The following ABL1 variants were observed in gnomAD, a reference collection of about 807,000 sequenced individuals.
ABL1 encodes the protein ABL proto-oncogene 1, non-receptor tyrosine kinase, also known as tyrosine-protein kinase ABL1.
A neutral mutation model predicts 94.7 loss-of-function variants in ABL1; 11 were observed. The ratio of observed to expected loss-of-function variants is 0.12; its 90% CI spans 0.07 to 0.19. ABL1 has a LOEUF of 0.19. ABL1 is among the 10% of genes least tolerant of loss of function. The probability of loss-of-function intolerance (pLI) is 1.00; values close to 1 mark genes in which losing one functional copy is unlikely to be tolerated. For synonymous variants in ABL1, 656 were observed against 622.4 expected (o/e 1.05, Z -0.80); for missense variants, 1,082 against 1,489.4 (o/e 0.73, Z 4.50).
intron 1 of ABL1, among the ~76,000 whole-genome samples, chr9:130,754,401 G>A (rs1278663648): frequency 6.6e-6 from 1 of 151,092 alleles, no homozygotes; most frequent in African/African-American, 2.4e-5. Context: ...CCAGCTACTC[G>A]GGAGGCTGAG....
At chr9:130,802,738 G>C (rs188853659) in intron 1 of ABL1, among the ~76,000 whole-genome samples, 1 of 152,176 alleles carries the variant, frequency 6.6e-6, no homozygotes, top group Admixed American at 6.5e-5. Context: ...TTGTCCCACT[G>C]TCTTGCTTCT....
In ABL1 at chr9:130,835,431, G is replaced by C; in HGVS notation, c.-16G>C. On this transcript the variant is annotated 5_prime_UTR_variant, in exon 1 of 11. Coordinates refer to ENST00000318560, the MANE Select transcript of ABL1 (RefSeq NM_005157.6). This position sits in a 1 kb window ranked among gnomAD's most constrained non-coding sequence, Gnocchi z 4.6. ...TGGGAGAGGGGTTCCGGCCCCCGAC[G>C]TGCTGGCGCGGGAAAATGTTGGAGA... 7.3e-7 allele frequency: 1 copy of C among 1,375,512 alleles called. No homozygotes were observed. Among genetic ancestry groups the C allele is most frequent in the Non-Finnish European group, 9.4e-7 (1 of 1,062,844 alleles). 85.2% of individuals were successfully genotyped at this position (1,375,512 alleles called of 1,614,324 possible). A position where few individuals can be genotyped will look rare whatever the true frequency, so the allele number is the denominator to read the frequency against.
At chr9:130,719,680 GA>G (rs1831491435) in intron 1 of ABL1, among the ~76,000 whole-genome samples, 1 of 152,164 alleles carries the variant, frequency 6.6e-6, no homozygotes, top group South Asian at 2.1e-4. Context: ...TTTTCTAAGG[GA>G]ATACCATGTT....
At chr9:130,729,322 T>G (rs1831632000) in intron 1 of ABL1, among the ~76,000 whole-genome samples, 1 of 152,226 alleles carries the variant, frequency 6.6e-6, no homozygotes, top group Admixed American at 6.5e-5. Context: ...CTGGAAGCCA[T>G]GGACCCACAG....
chr9:130,797,594 C>T (rs914858021), intron 1 of ABL1, among the ~76,000 whole-genome samples: 3 of 152,112 alleles, frequency 2.0e-5, no homozygotes, highest in Non-Finnish European at 2.9e-5. Flanking sequence ...AGGCTTGTCT[C>T]GAACTCCTAG....
intron 4 of ABL1, among the ~76,000 whole-genome samples, chr9:130,868,005 G>GC (rs1436123223): frequency 1.3e-5 from 2 of 151,578 alleles, no homozygotes; most frequent in African/African-American, 4.9e-5. Flanking sequence ...TGTCACCCAG[G>GC]CTGGAGTACA....
At position 130,877,635 on chromosome 9, in the gene ABL1, TCTC is replaced by T. The variant is rs1395948166; in HGVS notation, c.1271-777_1271-775del. ...TTTACTGAGTCTTGTTCTGTCCTGG[TCTC>T]CTTTTTTTTTTTTTATTTTTGAGAC... On this transcript the variant is annotated intron_variant, in intron 7 of 10. Coordinates refer to ENST00000318560, the MANE Select transcript of ABL1 (RefSeq NM_005157.6). Among the ~76,000 whole-genome samples, 6 of 145,988 alleles carry T rather than the reference TCTC, an allele frequency of 4.1e-5. 1 individual carries two copies. Among genetic ancestry groups the T allele is most frequent in the Non-Finnish European group, 9.0e-5 (6 of 66,776 alleles).
chr9:130,873,102 C>G (rs1005807097), intron 6 of ABL1, 65 bp downstream of exon 6: 22 of 1,526,926 alleles, frequency 1.4e-5, no homozygotes, highest in Non-Finnish European at 1.9e-5. Context: ...CAGCCTTTTA[C>G]AAAAAGCCCC....
chr9:130,823,714 C>A (rs955985393), intron 1 of ABL1, among the ~76,000 whole-genome samples: 2 of 152,174 alleles, frequency 1.3e-5, no homozygotes, highest in African/African-American at 4.8e-5. Context: ...TGCCCACATA[C>A]CATCACTTAG....
chr9:130,729,849 C>T (rs1273901743), intron 1 of ABL1, among the ~76,000 whole-genome samples: 1 of 151,252 alleles, frequency 6.6e-6, no homozygotes, highest in Non-Finnish European at 1.5e-5. Flanking sequence ...GATTCTCCTG[C>T]TTCAGCCTCC....
In ABL1 at chr9:130,817,755, C is replaced by T. The variant is rs80313531; in HGVS notation, c.137-36309C>T. Among the ~76,000 whole-genome samples, 934 of 152,286 alleles carry T rather than the reference C, an allele frequency of 6.1e-3. 8 individuals carry two copies. The highest frequency in any genetic ancestry group is 0.021 in the African/African-American group (874 of 41,570). On this transcript the variant is annotated intron_variant, in intron 1 of 10. Transcript: ENST00000372348. ...GCATTTCTAACAGATCCATATGTGT[C>T]GCTGCATGTAATCAGTGGTTCATTC...
intron 1 of ABL1, among the ~76,000 whole-genome samples, chr9:130,839,531 G>A (rs1421174208): frequency 6.6e-6 from 1 of 152,200 alleles, no homozygotes; most frequent in Non-Finnish European, 1.5e-5. Flanking sequence ...AGCACATCAT[G>A]TGCAGCCTCA....
In ABL1 at chr9:130,798,462, T is replaced by C. The variant is rs188013985; in HGVS notation, c.137-55602T>C. Among the ~76,000 whole-genome samples, 27 of 152,278 alleles carry C rather than the reference T, an allele frequency of 1.8e-4. 1 individual carries two copies. The highest frequency in any genetic ancestry group is 3.4e-3 in the Middle Eastern group (1 of 294). ...TATGAAGTTAATCTAACTACTGAGA[T>C]AGTGGGAGTGCAGAGGAGGCATGCT... On this transcript the variant is annotated intron_variant, in intron 1 of 10. Coordinates refer to the ABL1 transcript ENST00000372348.
At chr9:130,786,805 G>A (rs1829831938) in intron 1 of ABL1, among the ~76,000 whole-genome samples, 1 of 152,088 alleles carries the variant, frequency 6.6e-6, no homozygotes, top group Admixed American at 6.5e-5. Context: ...TTTGCAATTA[G>A]TTATTCACTT....
chr9:130,830,642 T>C (rs1830483821), upstream of ABL1, among the ~76,000 whole-genome samples: 1 of 152,230 alleles, frequency 6.6e-6, no homozygotes, highest in South Asian at 2.1e-4. Context: ...CCCAGTGAGA[T>C]GTAGGCAGGA....
intron 1 of ABL1, among the ~76,000 whole-genome samples, chr9:130,768,168 C>T (rs1316043394): frequency 6.6e-6 from 1 of 152,186 alleles, no homozygotes; most frequent in Non-Finnish European, 1.5e-5. Flanking sequence ...ATGTGTACAA[C>T]TTCCTGAACC....
intron 1 of ABL1, among the ~76,000 whole-genome samples, chr9:130,741,221 AT>A (rs1441662684): frequency 4.6e-5 from 7 of 152,172 alleles, no homozygotes; most frequent in African/African-American, 1.7e-4. Context: ...AGTGCTAGTC[AT>A]GGTGCTGCCT....
chr9:130,769,974 A>G (rs1389238855), intron 1 of ABL1, among the ~76,000 whole-genome samples: 3 of 152,068 alleles, frequency 2.0e-5, no homozygotes, highest in East Asian at 3.9e-4. Context: ...CTTTCATTCA[A>G]TATAATGGGT....
chr9:130,805,171 G>A (rs11791261), intron 1 of ABL1, among the ~76,000 whole-genome samples: 17,588 of 152,182 alleles, frequency 0.12, 1,081 homozygotes, highest in Admixed American at 0.15. Context: ...CTGCCTCCTG[G>A]GTTCAAGTGA....
Sources: gnomAD v4.1 joint callset for allele counts (sites outside exome capture counted in the v4.1 genomes callset) on GRCh38, gnomAD v4.1.1 for gene constraint, Gnocchi (gnomAD v3.1) non-coding constraint, MANE v1.5 for transcripts, NCBI Gene and HGNC (gene_info 2026-07-23, HGNC 2026-07-21) for gene names.